Variants in HIP1 observed in about 807,000 individuals in gnomAD.
HIP1 encodes the protein huntingtin interacting protein 1, also known as huntingtin-interacting protein 1.
HIP1 carries 65 observed loss-of-function variants against 147.6 expected under a neutral mutation model. The ratio of observed to expected loss-of-function variants is 0.44; its 90% CI spans 0.36 to 0.54. The LOEUF (loss-of-function observed/expected upper bound fraction) is 0.54, where lower values mean the gene tolerates loss of function less well. HIP1 is among the 20% of genes least tolerant of loss of function. The pLI is 0.00. For synonymous variants in HIP1, 479 were observed against 504.0 expected (o/e 0.95, Z 0.67); for missense variants, 1,061 against 1,299.6 (o/e 0.82, Z 2.82).
chr7:75,591,812 A>G (rs1163329972), intron 4 of HIP1, among the ~76,000 whole-genome samples: 1 of 151,290 alleles, frequency 6.6e-6, no homozygotes, highest in Non-Finnish European at 1.5e-5. Flanking sequence ...TGAGTTTATG[A>G]GTTTTCATTG....
intron 1 of HIP1, among the ~76,000 whole-genome samples, chr7:75,709,109 C>CTTTTTTTTTTTTTTTTTTT (rs55720152): frequency 9.1e-5 from 12 of 131,430 alleles, no homozygotes; most frequent in South Asian, 2.4e-4. Context: ...TTTTTCTTTT[C>CTTTTTTTTTTTTTTTTTTT]TTTTTTTTTT....
chr7:75,621,522 C>T (rs1315601409), intron 1 of HIP1, among the ~76,000 whole-genome samples: 1 of 152,152 alleles, frequency 6.6e-6, no homozygotes, highest in Non-Finnish European at 1.5e-5. Flanking sequence ...TCCTAAATTG[C>T]TGAGATTAAC....
chr7:75,651,712 C>T (rs998701497), intron 1 of HIP1, among the ~76,000 whole-genome samples: 1 of 152,150 alleles, frequency 6.6e-6, no homozygotes, highest in African/African-American at 2.4e-5. Context: ...CTCAACTTCT[C>T]TGTGCCTCAG....
At chr7:75,622,062 C>T (rs1258439839) in intron 1 of HIP1, among the ~76,000 whole-genome samples, 4 of 151,462 alleles carry the variant, frequency 2.6e-5, no homozygotes, top group African/African-American at 9.7e-5. Flanking sequence ...GGTGGGCAGA[C>T]CTCTTGAGGC....
chr7:75,698,140 G>C (rs1246163951), intron 1 of HIP1, among the ~76,000 whole-genome samples: 2 of 151,978 alleles, frequency 1.3e-5, no homozygotes, highest in Admixed American at 1.3e-4. Context: ...CTATCAACAG[G>C]TCTATTCTAT....
At chr7:75,570,087 C>G (rs1471316532) in intron 8 of HIP1, among the ~76,000 whole-genome samples, 1 of 151,914 alleles carries the variant, frequency 6.6e-6, no homozygotes, top group Non-Finnish European at 1.5e-5. Context: ...GCGCGCGCCA[C>G]CACACCCCGC....
chr7:75,725,885 C>A (rs943938323), intron 1 of HIP1, among the ~76,000 whole-genome samples: 3 of 148,560 alleles, frequency 2.0e-5, no homozygotes, highest in Non-Finnish European at 4.4e-5. Context: ...TGCAGTGGCA[C>A]AATCTCGGCT....
intron 28 of HIP1, among the ~76,000 whole-genome samples, chr7:75,542,560 A>T (rs11760901): frequency 1.4e-4 from 21 of 151,562 alleles, no homozygotes; most frequent in African/African-American, 4.1e-4. Flanking sequence ...TTAGCCAGGC[A>T]TGGTGGCGGG....
chr7:75,648,240 G>A (rs1798866042), intron 1 of HIP1, among the ~76,000 whole-genome samples: 1 of 152,112 alleles, frequency 6.6e-6, no homozygotes, highest in Admixed American at 6.6e-5. Flanking sequence ...ACTAGTTGGA[G>A]TAGCTGAAGC....
At chr7:75,716,311 T>A (rs1466972508) in intron 1 of HIP1, among the ~76,000 whole-genome samples, 1 of 151,706 alleles carries the variant, frequency 6.6e-6, no homozygotes, top group Non-Finnish European at 1.5e-5. Context: ...CACAGCAACC[T>A]CCACCTCCTG....
chr7:75,723,869 C>T (rs994922583), intron 1 of HIP1, among the ~76,000 whole-genome samples: 11 of 151,964 alleles, frequency 7.2e-5, no homozygotes, highest in African/African-American at 2.7e-4. Context: ...CCCACCTCAG[C>T]GTCCCAAGTA....
chr7:75,601,459 G>T (rs1296710456), intron 1 of HIP1, among the ~76,000 whole-genome samples: 15 of 151,870 alleles, frequency 9.9e-5, no homozygotes, highest in African/African-American at 3.4e-4. Context: ...CGTGGTGACG[G>T]GCGCCTGTAA....
At chr7:75,538,817 G>A (rs1022659031) in intron 30 of HIP1, among the ~76,000 whole-genome samples, 7 of 151,844 alleles carry the variant, frequency 4.6e-5, no homozygotes, top group Non-Finnish European at 1.0e-4. Flanking sequence ...CTCGTGATCC[G>A]CCCGCCTCGG....
At chr7:75,602,354 G>A (rs1442979940) in intron 1 of HIP1, among the ~76,000 whole-genome samples, 1 of 118,128 alleles carries the variant, frequency 8.5e-6, no homozygotes, top group Non-Finnish European at 1.6e-5. Context: ...GGGTTTCGCT[G>A]TCTTGCTATG....
intron 4 of HIP1, among the ~76,000 whole-genome samples, chr7:75,590,784 G>A (rs986446020): frequency 6.6e-6 from 1 of 152,194 alleles, no homozygotes; most frequent in Non-Finnish European, 1.5e-5. Context: ...TACAGGGAAC[G>A]TTTTCTAGCA....
At chr7:75,682,174 G>A (rs913222869) in intron 1 of HIP1, among the ~76,000 whole-genome samples, 8 of 145,938 alleles carry the variant, frequency 5.5e-5, no homozygotes, top group Non-Finnish European at 9.0e-5. Context: ...GGCCAGGTTG[G>A]TCTTGAACTC....
intron 1 of HIP1, among the ~76,000 whole-genome samples, chr7:75,693,403 G>T (rs1011785006): frequency 6.6e-6 from 1 of 152,066 alleles, no homozygotes; most frequent in Non-Finnish European, 1.5e-5. Context: ...CAGTGCCCTT[G>T]GTACCGCACT....
chr7:75,736,655 A>G (rs1802029115), intron 1 of HIP1, among the ~76,000 whole-genome samples: 1 of 152,122 alleles, frequency 6.6e-6, no homozygotes, highest in South Asian at 2.1e-4. Context: ...AGACCAATGG[A>G]AAACTTCCTT....
At chr7:75,734,114 C>T (rs559595732) in intron 1 of HIP1, among the ~76,000 whole-genome samples, 13 of 151,978 alleles carry the variant, frequency 8.6e-5, no homozygotes, top group Non-Finnish European at 1.8e-4. Context: ...GGCGTGGTGG[C>T]GCTCGCCTGT....
Sources: gnomAD v4.1 joint callset for allele counts (sites outside exome capture counted in the v4.1 genomes callset) on GRCh38, gnomAD v4.1.1 for gene constraint, MANE v1.5 for transcripts, NCBI Gene and HGNC (gene_info 2026-07-23, HGNC 2026-07-21) for gene names.